Variants in KAZN observed in about 807,000 individuals in gnomAD.
KAZN encodes the protein kazrin, periplakin interacting protein, also known as kazrin.
In KAZN, 40 loss-of-function variants were observed where a neutral mutation model predicts 87.4. The observed-to-expected ratio is 0.46, with a 90% CI of 0.36 to 0.60. The LOEUF is 0.60. Ranked by LOEUF, KAZN falls within the 20% of genes least tolerant of loss-of-function variation. The pLI is 0.00. For synonymous variants in KAZN, 466 were observed against 458.3 expected, an observed-to-expected ratio of 1.02 and a Z score of -0.22; for missense variants, 898 against 1,073.9, an observed-to-expected ratio of 0.84 and a Z score of 2.29.
At chr1:14,369,712 A>G (rs1660311515) in intron 2 of KAZN, among the ~76,000 whole-genome samples, 1 of 152,212 alleles carries the variant, frequency 6.6e-6, no homozygotes, top group Non-Finnish European at 1.5e-5. Flanking sequence ...TCCAAAGGAA[A>G]TAAACCTGAC....
intron 1 of KAZN, among the ~76,000 whole-genome samples, chr1:14,925,265 G>A (rs1300132157): frequency 6.6e-6 from 1 of 152,166 alleles, no homozygotes; most frequent in Non-Finnish European, 1.5e-5. Flanking sequence ...GTTAGGGCAT[G>A]GGGATGGGAG....
At chr1:14,271,147 C>T (rs1457103456) in intron 2 of KAZN, among the ~76,000 whole-genome samples, 1 of 152,212 alleles carries the variant, frequency 6.6e-6, no homozygotes, top group African/African-American at 2.4e-5. Context: ...AGGGTCTTCC[C>T]TCTCTGTATG....
chr1:14,716,717 G>A (rs1642816735), intron 1 of KAZN, among the ~76,000 whole-genome samples: 1 of 152,118 alleles, frequency 6.6e-6, no homozygotes, highest in South Asian at 2.1e-4. Flanking sequence ...GTTCCCTGCT[G>A]TCCCTAGTTA....
At chr1:14,297,591 G>T (rs1307749412) in intron 2 of KAZN, among the ~76,000 whole-genome samples, 1 of 151,846 alleles carries the variant, frequency 6.6e-6, no homozygotes, top group East Asian at 1.9e-4. Context: ...TCCCTGCTGG[G>T]ACTCTGCTGA....
intron 1 of KAZN, among the ~76,000 whole-genome samples, chr1:13,976,714 T>G (rs960138502): frequency 6.6e-6 from 1 of 152,186 alleles, no homozygotes; most frequent in Non-Finnish European, 1.5e-5. Flanking sequence ...AACAGATGTC[T>G]TTTTAAGAAC....
At chr1:14,900,979 C>A (rs1026135908) in intron 1 of KAZN, among the ~76,000 whole-genome samples, 1 of 152,146 alleles carries the variant, frequency 6.6e-6, no homozygotes, top group Non-Finnish European at 1.5e-5. Flanking sequence ...AATAAATGAG[C>A]ATTTACTCTG....
intron 8 of KAZN, among the ~76,000 whole-genome samples, chr1:15,072,184 T>G (rs974575893): frequency 1.3e-5 from 2 of 152,044 alleles, no homozygotes; most frequent in Admixed American, 1.3e-4. Context: ...GGTTCAGAAA[T>G]GAGAACTGAA....
chr1:14,133,898 C>A (rs1288900456), intron 1 of KAZN, among the ~76,000 whole-genome samples: 1 of 152,168 alleles, frequency 6.6e-6, no homozygotes, highest in Admixed American at 6.5e-5. Context: ...GTGTCGCATC[C>A]TTTTGACCTC....
At chr1:14,925,503 G>A (rs931370204) in intron 1 of KAZN, among the ~76,000 whole-genome samples, 4 of 152,168 alleles carry the variant, frequency 2.6e-5, no homozygotes, top group Non-Finnish European at 4.4e-5. Flanking sequence ...CTGGGAGTGA[G>A]GCTGTGTTAT....
intron 1 of KAZN, among the ~76,000 whole-genome samples, chr1:14,883,339 A>AGGGAGGGAGGGAGGGAGGGAGGGAGG (rs1557586019): frequency 2.4e-5 from 1 of 41,654 alleles, no homozygotes; most frequent in African/African-American, 6.1e-5. Context: ...AGAGAGAGAG[A>AGGGAGGGAGGGAGGGAGGGAGGGAGG]GAGAAAGAAA....
At chr1:14,462,207 A>G (rs556165460) in intron 2 of KAZN, among the ~76,000 whole-genome samples, 1 of 151,790 alleles carries the variant, frequency 6.6e-6, no homozygotes, top group East Asian at 2.0e-4. Context: ...GACAGGAGTA[A>G]ACTGCATTGG....
rs761822330 is a variant in KAZN at position 14,413,061 on chromosome 1, C to T, written c.250-185922C>T. Among the ~76,000 whole-genome samples the T allele has an allele frequency of 2.7e-5, 4 of 148,918 alleles. No homozygotes were observed. In the South Asian group the frequency reaches 6.3e-4, roughly 23 times the overall value. On this transcript the variant is annotated intron_variant, in intron 2 of 16. Coordinates refer to the KAZN transcript ENST00000636203. ...CATAGGATTAAATCTGAGCATTCTA[C>T]TTTGGGTCATTGATCCATTTGTTTA...
chr1:13,911,214 C>T (rs1183063482), intron 1 of KAZN, among the ~76,000 whole-genome samples: 1 of 152,142 alleles, frequency 6.6e-6, no homozygotes, highest in Admixed American at 6.6e-5. Flanking sequence ...ACGCCTGTCT[C>T]ATTTTTGTAT....
chr1:14,771,768 G>A (rs1483390969), intron 1 of KAZN, among the ~76,000 whole-genome samples: 1 of 152,176 alleles, frequency 6.6e-6, no homozygotes, highest in African/African-American at 2.4e-5. Flanking sequence ...GGAGGTTGCA[G>A]TGAGCCAAGA....
chr1:14,986,097 A>T lies in KAZN; in HGVS notation c.418+25222A>T, dbSNP rs115125806. Among the ~76,000 whole-genome samples, 861 of 151,842 alleles carry T rather than the reference A, an allele frequency of 5.7e-3. 5 individuals are homozygous for T. Among genetic ancestry groups the T allele is most frequent in the African/African-American group, 0.02 (808 of 41,430 alleles). ...TTAAAGGACAATCAGGAGCCAGGAG[A>T]GTGGATTGCAACATGTAATCTCATT... On this transcript the variant is annotated intron_variant, in intron 2 of 14. Coordinates refer to ENST00000376030, the MANE Select transcript of KAZN (RefSeq NM_201628.3).
chr1:15,048,573 A>G lies in KAZN; in HGVS notation c.726+4414A>G, dbSNP rs184982049. Reference sequence around the variant, plus strand: ...CTTGGTTGTTGGTCCTGGGTCGTTGATCCTTGGTCGTTGGTCCTGGGTCGT... The same window carrying G: ...CTTGGTTGTTGGTCCTGGGTCGTTGGTCCTTGGTCGTTGGTCCTGGGTCGT... On this transcript the variant is annotated intron_variant, in intron 4 of 14. Coordinates refer to ENST00000376030, the MANE Select transcript of KAZN (RefSeq NM_201628.3). Among the ~76,000 whole-genome samples the G allele has an allele frequency of 4.9e-3, 708 of 144,168 alleles. 6 individuals are homozygous for G. The highest frequency in any genetic ancestry group is 0.042 in the East Asian group (201 of 4,740). The allele number at this position is 144,168 out of a possible 152,430, so 94.6% of individuals were successfully genotyped here. A position where few individuals can be genotyped will look rare whatever the true frequency, so the allele number is the denominator to read the frequency against.
chr1:14,537,778 C>T (rs1347496442), intron 2 of KAZN, among the ~76,000 whole-genome samples: 1 of 152,194 alleles, frequency 6.6e-6, no homozygotes, highest in Non-Finnish European at 1.5e-5. Flanking sequence ...CATTTTCACC[C>T]TTGTCTCATG....
chr1:14,082,433 C>T (rs3817943), intron 1 of KAZN, among the ~76,000 whole-genome samples: 15,153 of 152,180 alleles, frequency 0.1, 933 homozygotes, highest in East Asian at 0.13. Flanking sequence ...CTTGTTATTT[C>T]ACAACAAGGG....
At chr1:13,982,884 T>G (rs1179798262) in intron 1 of KAZN, among the ~76,000 whole-genome samples, 2 of 151,230 alleles carry the variant, frequency 1.3e-5, no homozygotes, top group African/African-American at 2.4e-5. Context: ...TTACAATCCC[T>G]GAGCTAGACA....
Sources: gnomAD v4.1 joint callset for allele counts (sites outside exome capture counted in the v4.1 genomes callset) on GRCh38, gnomAD v4.1.1 for gene constraint, MANE v1.5 for transcripts, NCBI Gene and HGNC (gene_info 2026-07-23, HGNC 2026-07-21) for gene names.